Variants in RSPO2 observed in about 807,000 individuals in gnomAD.
The protein encoded by RSPO2 is R-spondin-2.
Under a neutral mutation model 30.9 loss-of-function variants are expected in RSPO2, and 14 were observed. The observed-to-expected ratio is 0.45, with a 90% confidence interval of 0.30 to 0.71. The LOEUF (loss-of-function observed/expected upper bound fraction) is 0.71. Among genes scored for constraint, RSPO2 ranks in the 30% least tolerant of loss-of-function variants. RSPO2 has a pLI of 0.08. For synonymous variants in RSPO2, 107 were observed against 96.4 expected, an observed-to-expected ratio of 1.11 and a Z score of -0.64; for missense variants, 264 against 301.9, an observed-to-expected ratio of 0.87 and a Z score of 0.93.
Position 108,069,459 on chromosome 8 carries a change from G to A in RSPO2, c.94+13086C>T, listed in dbSNP as rs151004510. Among the ~76,000 whole-genome samples the A allele has an allele frequency of 1.7e-3, 266 of 152,240 alleles. 1 individual carries two copies. The highest frequency in any genetic ancestry group is 6.0e-3 in the African/African-American group (251 of 41,534). On this transcript the variant is annotated intron_variant, in intron 2 of 5. Transcript: ENST00000276659. Reference sequence around the variant, plus strand: ...AATCTCTTGACTTTGTGATCTGCCCGCCTCGGCCTCCCACAGTGCTGGGAT... The same window carrying A: ...AATCTCTTGACTTTGTGATCTGCCCACCTCGGCCTCCCACAGTGCTGGGAT...
chr8:107,958,969 C>T (rs1813531392), intron 4 of RSPO2, among the ~76,000 whole-genome samples: 1 of 152,100 alleles, frequency 6.6e-6, no homozygotes, highest in African/African-American at 2.4e-5. Flanking sequence ...TAGATTGATC[C>T]CATGTCTTTG....
chr8:107,994,866 A>G (rs575856702), intron 2 of RSPO2, among the ~76,000 whole-genome samples: 150 of 152,284 alleles, frequency 9.9e-4, no homozygotes, highest in African/African-American at 3.4e-3. Flanking sequence ...GCAGCTATAC[A>G]GAGTACATTG....
At chr8:107,944,599 AT>A (rs1812996885) in intron 5 of RSPO2, among the ~76,000 whole-genome samples, 1 of 152,174 alleles carries the variant, frequency 6.6e-6, no homozygotes, top group Non-Finnish European at 1.5e-5. Flanking sequence ...CATCTGAGCA[AT>A]TCTCAGGGAT....
chr8:107,960,606 G>T, intron 4 of RSPO2, 68 bp downstream of exon 4: 2 of 1,378,208 alleles, frequency 1.5e-6, no homozygotes, highest in Middle Eastern at 1.8e-4. Flanking sequence ...TATCCAGCAT[G>T]CATATTTTTA....
intron 2 of RSPO2, among the ~76,000 whole-genome samples, chr8:108,065,659 TAAAAAA>T (rs57299718): frequency 8.5e-6 from 1 of 117,090 alleles, no homozygotes; most frequent in Admixed American, 9.0e-5. Flanking sequence ...GCAGAAGGAA[TAAAAAA>T]AAAAAAAAAA....
At chr8:107,921,294 A>T (rs73700338) in intron 5 of RSPO2, among the ~76,000 whole-genome samples, 1 of 140,296 alleles carries the variant, frequency 7.1e-6, no homozygotes, top group Non-Finnish European at 1.6e-5. Context: ...ACACACACAC[A>T]CACACACACA....
At chr8:107,932,169 T>A (rs1313307493) in intron 5 of RSPO2, among the ~76,000 whole-genome samples, 1 of 152,118 alleles carries the variant, frequency 6.6e-6, no homozygotes, top group Admixed American at 6.6e-5. Context: ...AGAGAAAAGA[T>A]CACTTAAGAG....
chr8:108,017,404 A>G (rs1215999774), intron 2 of RSPO2, among the ~76,000 whole-genome samples: 1 of 152,220 alleles, frequency 6.6e-6, no homozygotes, highest in Non-Finnish European at 1.5e-5. Context: ...CAAAATGACA[A>G]TATAACTCTA....
At chr8:107,973,670 C>A (rs966283247) in intron 3 of RSPO2, among the ~76,000 whole-genome samples, 1 of 152,096 alleles carries the variant, frequency 6.6e-6, no homozygotes, top group African/African-American at 2.4e-5. Flanking sequence ...GAGAGTGAAA[C>A]AAATGCATAC....
chr8:108,073,766 C>A (rs907164251), intron 2 of RSPO2, among the ~76,000 whole-genome samples: 1 of 152,102 alleles, frequency 6.6e-6, no homozygotes, highest in Non-Finnish European at 1.5e-5. Context: ...GAATTACTTG[C>A]CAAGTAATTA....
chr8:107,987,768 C>T (rs575469454), intron 3 of RSPO2, among the ~76,000 whole-genome samples: 6 of 152,148 alleles, frequency 3.9e-5, no homozygotes, highest in African/African-American at 1.4e-4. Context: ...ACTAGTTCTG[C>T]CACCTTCCAA....
chr8:107,980,067 T>C (rs1321020809), intron 3 of RSPO2, among the ~76,000 whole-genome samples: 1 of 152,200 alleles, frequency 6.6e-6, no homozygotes, highest in Non-Finnish European at 1.5e-5. Flanking sequence ...CCTCTTACTC[T>C]TACTCACCCT....
chr8:107,960,837 G>T lies in RSPO2; in HGVS notation c.284-20C>A. On this transcript the variant is annotated intron_variant, in intron 3 of 5. Transcript: ENST00000276659. ...TGCATCCTAAAAACAATTTTAAAGA[G>T]AAAAAAGAAAATTTCAGTCAAAGAA... 1 of 1,529,408 alleles carries T rather than the reference G, an allele frequency of 6.5e-7. No homozygotes were observed. The allele number at this position is 1,529,408 out of a possible 1,614,324, so 94.7% of individuals were successfully genotyped here.
chr8:108,016,859 T>G (rs1810905323), intron 2 of RSPO2, among the ~76,000 whole-genome samples: 1 of 151,980 alleles, frequency 6.6e-6, no homozygotes, highest in Non-Finnish European at 1.5e-5. Context: ...TGCTCCCACT[T>G]CACCTTCCAC....
rs1428530804 is a variant in RSPO2, at chr8:107,904,006, C to G, written c.617-2816G>C. 2.8e-5 allele frequency among the ~76,000 whole-genome samples: 4 copies of G among 143,570 alleles called. No individual in the cohort carries two copies. In the Admixed American group the frequency reaches 2.9e-4, roughly 10 times the overall value. The allele number at this position is 143,570 out of a possible 152,430, so 94.2% of individuals were successfully genotyped here. A position where few individuals can be genotyped will look rare whatever the true frequency, so the allele number is the denominator to read the frequency against. Reference sequence around the variant, plus strand: ...ACAGAAAGGGTCTTTCATACAAATGCTTTTTTCACGTTCTAAGATTTTCAA... The same window carrying G: ...ACAGAAAGGGTCTTTCATACAAATGGTTTTTTCACGTTCTAAGATTTTCAA... On this transcript the variant is annotated intron_variant, in intron 5 of 5. Coordinates refer to ENST00000276659, the MANE Select transcript of RSPO2 (RefSeq NM_178565.5).
In RSPO2 at chr8:108,082,726, G is replaced by A; in HGVS notation, c.-88C>T. The A allele has an allele frequency of 3.6e-6, 4 of 1,119,408 alleles. No individual in the cohort carries two copies. The highest frequency in any genetic ancestry group is 1.4e-5 in the South Asian group (1 of 72,840). 69.3% of individuals were successfully genotyped at this position (1,119,408 alleles called of 1,614,324 possible). Reference sequence around the variant, plus strand: ...GAGCCGGCGCCGGCCGCGCTGCTGGGGAGGACTCAGAGGGAGACTCGCCAC... The same window carrying A: ...GAGCCGGCGCCGGCCGCGCTGCTGGAGAGGACTCAGAGGGAGACTCGCCAC... On this transcript the variant is annotated 5_prime_UTR_variant, in exon 2 of 6. Transcript: ENST00000276659.
chr8:107,969,735 G>T (rs576956330), intron 3 of RSPO2, among the ~76,000 whole-genome samples: 1 of 152,216 alleles, frequency 6.6e-6, no homozygotes, highest in East Asian at 1.9e-4. Context: ...AATAGCAAAG[G>T]AATGTGATAG....
intron 2 of RSPO2, among the ~76,000 whole-genome samples, chr8:108,073,410 A>T (rs1282016072): frequency 1.3e-5 from 2 of 152,106 alleles, no homozygotes; most frequent in African/African-American, 4.8e-5. Flanking sequence ...CAGGGGAGGG[A>T]CTAAGGCCTT....
chr8:107,923,639 T>C (rs2038214410), intron 5 of RSPO2, among the ~76,000 whole-genome samples: 2 of 152,140 alleles, frequency 1.3e-5, no homozygotes, highest in African/African-American at 4.8e-5. Context: ...TGCAGCACTA[T>C]TCACAACAGC....
Sources: gnomAD v4.1 joint callset for allele counts (sites outside exome capture counted in the v4.1 genomes callset) on GRCh38, gnomAD v4.1.1 for gene constraint, MANE v1.5 for transcripts, NCBI Gene and HGNC (gene_info 2026-07-23, HGNC 2026-07-21) for gene names.